The following PHC2 variants were observed in gnomAD, a reference collection of about 807,000 sequenced individuals.
PHC2 encodes polyhomeotic homolog 2.
In PHC2, 29 loss-of-function variants were observed where a neutral mutation model predicts 87.4. The ratio of observed to expected loss-of-function variants is 0.33; its 90% confidence interval spans 0.25 to 0.45. The LOEUF (loss-of-function observed/expected upper bound fraction) is 0.45. Ranked by LOEUF, PHC2 falls within the 20% of genes least tolerant of loss-of-function variation. PHC2 has a pLI of 1.00. For synonymous variants in PHC2, 438 were observed against 461.7 expected, an observed-to-expected ratio of 0.95 and a Z score of 0.66; for missense variants, 857 against 1,136.7, an observed-to-expected ratio of 0.75 and a Z score of 3.54.
chr1:33,353,667 C>T (rs559676761), intron 9 of PHC2, among the ~76,000 whole-genome samples: 1 of 152,334 alleles, frequency 6.6e-6, no homozygotes, highest in Non-Finnish European at 1.5e-5. Context: ...AAACACAGCA[C>T]AATGACTGGA....
In PHC2 at chr1:33,374,739, A is replaced by T. The variant is rs545343955; in HGVS notation, c.174+627T>A. Among the ~76,000 whole-genome samples the T allele has an allele frequency of 4.6e-5, 7 of 152,294 alleles. No individual in the cohort carries two copies. The South Asian group carries it at 1.5e-3, about 32-fold the overall frequency. ...ACACAGGTCTGGGGTGAGAGGTTCA[A>T]TTTTTTTGTCTTTACCTGAATGACC... On this transcript the variant is annotated intron_variant, in intron 2 of 14. Coordinates refer to ENST00000683057, the MANE Select transcript of PHC2 (RefSeq NM_001385109.1).
At chr1:33,345,433 T>C in intron 9 of PHC2, 2 of 473,778 alleles carry the variant, frequency 4.2e-6, no homozygotes, top group African/African-American at 2.1e-5. Flanking sequence ...TACCTAAATA[T>C]CATTTGGAAA....
rs1405415681 is a variant in PHC2, at chr1:33,369,602, C to CGG, written c.576+817_576+818dup. On this transcript the variant is annotated intron_variant, in intron 5 of 14. Transcript: ENST00000683057. The surrounding 1 kb of genome is among the most constrained non-coding windows in gnomAD (Gnocchi z 4.7). Reference sequence around the variant, plus strand: ...GAACTCAGAGCCAAGAACAAATGTGCGGGAGCAAGACCAGACAAGCTCCGA... The same window carrying CGG: ...GAACTCAGAGCCAAGAACAAATGTGCGGGGGAGCAAGACCAGACAAGCTCCGA... Among the ~76,000 whole-genome samples, 1 of 152,102 alleles carries CGG rather than the reference C, an allele frequency of 6.6e-6. No homozygotes were observed.
intron 14 of PHC2, among the ~76,000 whole-genome samples, chr1:33,327,614 G>A (rs548211968): frequency 3.9e-5 from 6 of 152,316 alleles, no homozygotes; most frequent in Admixed American, 1.3e-4. Context: ...ATGCCAGTAC[G>A]TGGCTTCAGA....
At chr1:33,423,518 T>C (rs991331985) in intron 1 of PHC2, among the ~76,000 whole-genome samples, 1 of 152,176 alleles carries the variant, frequency 6.6e-6, no homozygotes, top group Non-Finnish European at 1.5e-5. Context: ...GAACATCTAC[T>C]TTGGGGTATG....
chr1:33,410,369 A>G (rs1649933921), intron 1 of PHC2, among the ~76,000 whole-genome samples: 1 of 152,244 alleles, frequency 6.6e-6, no homozygotes, highest in Non-Finnish European at 1.5e-5. Context: ...GGAACGTAAC[A>G]GACAGAGCTA....
rs960504027 is a variant in PHC2 at position 33,334,651 on chromosome 1, C to T, written c.1559-359G>A. On this transcript the variant is annotated intron_variant, in intron 9 of 14. Coordinates refer to ENST00000683057, the MANE Select transcript of PHC2 (RefSeq NM_001385109.1). This position sits in a 1 kb window ranked among gnomAD's most constrained non-coding sequence, Gnocchi z 5.5. ...GATTTGAACAAATAAGGTTAATACT[C>T]AGTTTGAGGGAGAAAAGTATTCAAG... 1.3e-5 allele frequency among the ~76,000 whole-genome samples: 2 copies of T among 152,194 alleles called. No individual in the cohort carries two copies. The highest frequency in any genetic ancestry group is 4.8e-5 in the African/African-American group (2 of 41,446).
intron 1 of PHC2, among the ~76,000 whole-genome samples, chr1:33,381,110 C>T (rs940893379): frequency 6.6e-6 from 1 of 152,182 alleles, no homozygotes. Context: ...CAACTCTTCT[C>T]CTCTTGCTTC....
intron 1 of PHC2, among the ~76,000 whole-genome samples, chr1:33,386,225 A>G (rs903549314): frequency 1.6e-4 from 24 of 152,114 alleles, no homozygotes; most frequent in African/African-American, 4.1e-4. Flanking sequence ...TGCTATAAAA[A>G]AAAGACCCCT....
chr1:33,420,856 C>T (rs1357228488), intron 1 of PHC2, among the ~76,000 whole-genome samples: 2 of 152,162 alleles, frequency 1.3e-5, no homozygotes, highest in Admixed American at 1.3e-4. Context: ...AGTGATCCTC[C>T]TGCCTCAGCC....
intron 10 of PHC2, 122 bp downstream of exon 10, chr1:33,333,968 A>G: frequency 1.2e-6 from 1 of 821,182 alleles, no homozygotes; most frequent in Non-Finnish European, 2.0e-6. Context: ...TTGGGGGAGG[A>G]AGTTAGCAAG....
At chr1:33,424,355 AT>A (rs1223068724) in intron 1 of PHC2, among the ~76,000 whole-genome samples, 1 of 152,068 alleles carries the variant, frequency 6.6e-6, no homozygotes, top group Non-Finnish European at 1.5e-5. Flanking sequence ...TTCTTCCCCC[AT>A]TAGAAAGAGA....
intron 1 of PHC2, among the ~76,000 whole-genome samples, chr1:33,376,462 A>G (rs1487726732): frequency 6.6e-6 from 1 of 152,226 alleles, no homozygotes; most frequent in Non-Finnish European, 1.5e-5. Flanking sequence ...TTGCCAGAGG[A>G]AGCAAAACTA....
At chr1:33,397,904 C>T (rs1401458530) in intron 1 of PHC2, among the ~76,000 whole-genome samples, 1 of 151,998 alleles carries the variant, frequency 6.6e-6, no homozygotes, top group Non-Finnish European at 1.5e-5. Context: ...GTGATGCCTC[C>T]CGGGGAGTAG....
At chr1:33,420,760 C>A (rs1410834610) in intron 1 of PHC2, among the ~76,000 whole-genome samples, 1 of 152,150 alleles carries the variant, frequency 6.6e-6, no homozygotes, top group African/African-American at 2.4e-5. Flanking sequence ...CAGGTGCATA[C>A]TACCACACCT....
chr1:33,380,651 A>AT (rs1238984193), intron 1 of PHC2, among the ~76,000 whole-genome samples: 1 of 152,226 alleles, frequency 6.6e-6, no homozygotes, highest in African/African-American at 2.4e-5. Flanking sequence ...AACACGGCAT[A>AT]TAAGTCCTTG....
intron 7 of PHC2, among the ~76,000 whole-genome samples, chr1:33,361,415 A>G (rs1033159925): frequency 1.1e-4 from 16 of 152,186 alleles, no homozygotes; most frequent in Non-Finnish European, 1.8e-4. Flanking sequence ...ATCTCTGCTC[A>G]CTGCAACCTC....
chr1:33,339,690 T>C (rs1240449967), intron 9 of PHC2, among the ~76,000 whole-genome samples: 1 of 152,202 alleles, frequency 6.6e-6, no homozygotes, highest in African/African-American at 2.4e-5. Context: ...TTATGCACAA[T>C]TGGGCCACTT....
At chr1:33,358,672 G>C (rs1272617284) in intron 7 of PHC2, among the ~76,000 whole-genome samples, 1 of 152,000 alleles carries the variant, frequency 6.6e-6, no homozygotes, top group Non-Finnish European at 1.5e-5. Flanking sequence ...CTTTGTCTAC[G>C]GTTGTCTAAA....
Sources: gnomAD v4.1 joint callset for allele counts (sites outside exome capture counted in the v4.1 genomes callset) on GRCh38, gnomAD v4.1.1 for gene constraint, Gnocchi (gnomAD v3.1) non-coding constraint, MANE v1.5 for transcripts, NCBI Gene and HGNC (gene_info 2026-07-23, HGNC 2026-07-21) for gene names.